Variants in GLI3 observed in about 807,000 individuals in gnomAD.
GLI3 encodes GLI family zinc finger 3.
In GLI3, 20 loss-of-function variants were observed where a neutral mutation model predicts 100.8. The observed-to-expected ratio is 0.20, with a 90% confidence interval of 0.14 to 0.29. The LOEUF (loss-of-function observed/expected upper bound fraction) is 0.29. GLI3 is among the 10% of genes least tolerant of loss of function. The probability of loss-of-function intolerance (pLI) is 1.00; values close to 1 mark genes in which losing one functional copy is unlikely to be tolerated. For synonymous variants in GLI3, 938 were observed against 860.5 expected, an observed-to-expected ratio of 1.09 and a Z score of -1.58; for missense variants, 2,040 against 2,128.5, an observed-to-expected ratio of 0.96 and a Z score of 0.82.
chr7:42,113,297 C>T, intron 3 of GLI3: 1 of 592,310 alleles, frequency 1.7e-6, no homozygotes. Flanking sequence ...GACCCCCGGA[C>T]CGACCAAAGC....
In GLI3 at chr7:41,967,798, G is replaced by T; in HGVS notation, c.2229C>A (p.Ala743=). The stretch of plus-strand genomic sequence containing the variant: ...AGTCCATGATTGGGGTTTCATCGAT[G>T]GCACTGAGGTCTCCTATACTACCTC... ...TDGGSIGDLS[A]IDETPIMDST... The change falls in exon 14 of 15, where the codon GCC becomes GCA. Residue 743 remains alanine (A), a synonymous_variant. Transcript: ENST00000395925. 1 of 1,614,176 alleles carries T rather than the reference G, an allele frequency of 6.2e-7. No individual in the cohort carries two copies. The highest frequency in any genetic ancestry group is 8.5e-7 in the Non-Finnish European group (1 of 1,180,032).
At chr7:42,105,448 A>G (rs940201155) in intron 3 of GLI3, among the ~76,000 whole-genome samples, 1 of 152,182 alleles carries the variant, frequency 6.6e-6, no homozygotes, top group Admixed American at 6.5e-5. Context: ...AAACTCCATG[A>G]AAAAGAAAAT....
In GLI3 at chr7:42,100,554, G is replaced by C. The variant is rs528690635; in HGVS notation, c.368-23697C>G. 4.0e-5 allele frequency among the ~76,000 whole-genome samples: 6 copies of C among 150,712 alleles called. 1 individual carries two copies. The South Asian group carries it at 1.3e-3, about 32-fold the overall frequency. On this transcript the variant is annotated intron_variant, in intron 3 of 14. Transcript: ENST00000395925. ...AGTTTCAGACTAACCTCTGCAACAT[G>C]GTAAAACCCCGTCTCTACAAACATA...
At chr7:42,019,348 C>T (rs750123394) in intron 10 of GLI3, among the ~76,000 whole-genome samples, 6 of 152,204 alleles carry the variant, frequency 3.9e-5, no homozygotes, top group Non-Finnish European at 8.8e-5. Context: ...CTAACGTGTG[C>T]TGCAGGCTGT....
At chr7:42,054,836 A>G (rs1435532289) in intron 4 of GLI3, among the ~76,000 whole-genome samples, 1 of 151,654 alleles carries the variant, frequency 6.6e-6, no homozygotes, top group Non-Finnish European at 1.5e-5. Flanking sequence ...TAAAAATAAA[A>G]AAATTAGACT....
In GLI3 at chr7:41,964,870, G is replaced by T. The variant is rs770253341; in HGVS notation, c.4203C>A (p.Ser1401Arg). 6.2e-7 allele frequency: 1 copy of T among 1,613,860 alleles called. No individual in the cohort carries two copies. Among genetic ancestry groups the T allele is most frequent in the East Asian group, 2.2e-5 (1 of 44,884 alleles). The change falls in exon 15 of 15, where the codon AGC (serine) becomes AGA (arginine). Residue 1401 changes from serine (S) to arginine (R), a missense_variant. Physicochemically the swap from Ser to Arg is moderately radical, Grantham distance 110 (BLOSUM62 -1). Transcript: ENST00000395925. Reference sequence around the variant, plus strand: ...TGAGCTGTCCTGACTGCAGAGCAAGGCTGTCCCTCGGCATAGCCTGGCGCC... The same window carrying T: ...TGAGCTGTCCTGACTGCAGAGCAAGTCTGTCCCTCGGCATAGCCTGGCGCC... ...GSRRQAMPRDSLALQSGQLSD... is the reference protein window; with the variant it reads ...GSRRQAMPRDRLALQSGQLSD...
intron 10 of GLI3, among the ~76,000 whole-genome samples, chr7:42,003,746 T>C (rs17640246): frequency 0.062 from 9,486 of 152,290 alleles, 424 homozygotes; most frequent in Non-Finnish European, 0.096. Context: ...CAGAATGTTA[T>C]TTCAGAAATT....
In GLI3 at chr7:41,964,502, C is replaced by T. The variant is rs765262389; in HGVS notation, c.4571G>A (p.Ser1524Asn). The change falls in exon 15 of 15, where the codon AGC becomes AAC. Residue 1524 changes from serine to asparagine, a missense_variant. Physicochemically the swap from Ser to Asn is conservative, Grantham distance 46. Transcript: ENST00000395925. ...DHSSLMSGAL[S>N]PSIIQNLSHS... ...GGAAAGGTTCTGAATGATACTTGGGCTCAGGGCCCCCGACATCAGGCTGGA... is the reference window on the plus strand; with the variant it reads ...GGAAAGGTTCTGAATGATACTTGGGTTCAGGGCCCCCGACATCAGGCTGGA... 6.2e-7 allele frequency: 1 copy of T among 1,614,156 alleles called. No individual in the cohort carries two copies. The highest frequency in any genetic ancestry group is 8.5e-7 in the Non-Finnish European group (1 of 1,179,992).
intron 2 of GLI3, among the ~76,000 whole-genome samples, chr7:42,197,369 TAC>T (rs1384496100): frequency 6.6e-6 from 1 of 152,232 alleles, no homozygotes; most frequent in Non-Finnish European, 1.5e-5. Flanking sequence ...CGGCAGAAGT[TAC>T]AGAGTTCTGA....
chr7:42,048,737 A>G, intron 4 of GLI3, 41 bp from the exon 5 acceptor site: 1 of 1,261,586 alleles, frequency 7.9e-7, no homozygotes, highest in Non-Finnish European at 1.2e-6. Context: ...TATGCATGAG[A>G]CAAATATCTC....
chr7:42,007,498 T>C (rs983446026), intron 10 of GLI3, among the ~76,000 whole-genome samples: 4 of 152,160 alleles, frequency 2.6e-5, no homozygotes, highest in African/African-American at 4.8e-5. Context: ...GAAAAAGAAG[T>C]ACTTATTGAG....
intron 7 of GLI3, among the ~76,000 whole-genome samples, chr7:42,038,895 T>G (rs1294502271): frequency 1.3e-5 from 2 of 152,206 alleles, no homozygotes; most frequent in East Asian, 3.9e-4. Flanking sequence ...CTAATTGTAA[T>G]CTACCATGGA....
At position 42,193,573 on chromosome 7, in the gene GLI3, A is replaced by G. The variant is rs539518006; in HGVS notation, c.124+29557T>C. On this transcript the variant is annotated intron_variant, in intron 2 of 14. Coordinates refer to ENST00000395925, the MANE Select transcript of GLI3 (RefSeq NM_000168.6). ...GTTCTCAGGTGGGACGTTTTCTCCCATGCCCAGCAAGGAGCAGAGGTTTTT... is the reference window on the plus strand; with the variant it reads ...GTTCTCAGGTGGGACGTTTTCTCCCGTGCCCAGCAAGGAGCAGAGGTTTTT... Among the ~76,000 whole-genome samples the G allele has an allele frequency of 9.7e-4, 147 of 152,322 alleles. 1 individual carries two copies. The highest frequency in any genetic ancestry group is 3.4e-3 in the African/African-American group (140 of 41,580).
chr7:42,077,369 T>G (rs1784901569), intron 3 of GLI3, among the ~76,000 whole-genome samples: 1 of 99,852 alleles, frequency 1.0e-5, no homozygotes, highest in Admixed American at 8.0e-5. Flanking sequence ...TGCATGTGCT[T>G]CTTTTTTTTT....
chr7:42,075,739 A>G (rs751423945), intron 4 of GLI3, among the ~76,000 whole-genome samples: 6 of 152,190 alleles, frequency 3.9e-5, no homozygotes, highest in South Asian at 2.1e-4. Flanking sequence ...GTAATGGGAG[A>G]TGGATCCAAA....
chr7:42,092,524 A>T (rs1354761802), intron 3 of GLI3, among the ~76,000 whole-genome samples: 1 of 152,178 alleles, frequency 6.6e-6, no homozygotes, highest in Non-Finnish European at 1.5e-5. Context: ...GTGGGGGCTG[A>T]CCATGAGCAG....
rs1286089459 is a variant in GLI3 at position 41,966,291 on chromosome 7, G to C, written c.2782C>G (p.Arg928Gly). 2.5e-6 allele frequency: 4 copies of C among 1,608,054 alleles called. No individual in the cohort carries two copies. Among genetic ancestry groups the C allele is most frequent in the Middle Eastern group, 3.3e-4 (2 of 6,048 alleles). ...GCAGCCGCGTACTTGGCCTTGAGGC[G>C]GTACTGCTGGGCGGGCGTGAGGCTG... is the stretch of plus-strand genomic sequence containing the variant. Reference protein sequence around the residue: ...LLSLTPAQQYRLKAKYAAATG... With the variant: ...LLSLTPAQQYGLKAKYAAATG... The change falls in exon 15 of 15, where the codon CGC becomes GGC. Residue 928 changes from arginine (R) to glycine (G), a missense_variant. By Grantham distance (125) the Arg-to-Gly change is moderately radical. Around this residue, in one of 5 missense-constraint regions of GLI3, gnomAD observed 1,041 missense variants for 924.0 expected, o/e 1.13. Transcript: ENST00000395925. This position sits in a 1 kb window ranked among gnomAD's most constrained non-coding sequence, Gnocchi z 5.8.
intron 1 of GLI3, among the ~76,000 whole-genome samples, chr7:42,235,620 G>A (rs1338969085): frequency 6.6e-6 from 1 of 152,200 alleles, no homozygotes; most frequent in Non-Finnish European, 1.5e-5. Flanking sequence ...ACTGTGCTCT[G>A]GAAAGCCTAA....
At position 41,978,759 on chromosome 7, in the gene GLI3, G is replaced by GA; in HGVS notation, c.1498-12dup. On this transcript the variant is annotated splice_polypyrimidine_tract_variant and intron_variant, in intron 10 of 14. Transcript: ENST00000395925. ...GTCGTTATTTATATGCTGGGGTTTG[G>GA]AAAAAGAGAGAGAAATCAAATGGAA... 1 of 1,612,508 alleles carries GA rather than the reference G, an allele frequency of 6.2e-7. No individual in the cohort carries two copies.
Sources: gnomAD v4.1 joint callset for allele counts (sites outside exome capture counted in the v4.1 genomes callset) on GRCh38, gnomAD v4.1.1 for gene constraint, gnomAD v4.1.1 regional missense constraint, Gnocchi (gnomAD v3.1) non-coding constraint, MANE v1.5 for transcripts, NCBI Gene and HGNC (gene_info 2026-07-23, HGNC 2026-07-21) for gene names.